PPP6R3: variants seen among roughly 807,000 people sequenced by gnomAD.
The protein encoded by PPP6R3 is serine/threonine-protein phosphatase 6 regulatory subunit 3.
A neutral mutation model predicts 110.7 loss-of-function variants in PPP6R3; 38 were observed. The observed-to-expected ratio is 0.34, with a 90% CI of 0.26 to 0.45. The LOEUF is 0.45. Ranked by LOEUF, PPP6R3 falls within the 20% of genes least tolerant of loss-of-function variation. The pLI is 1.00. For synonymous variants in PPP6R3, 369 were observed against 373.5 expected (o/e 0.99, Z 0.14); for missense variants, 870 against 1,062.4 (o/e 0.82, Z 2.52).
In PPP6R3 at chr11:68,477,739, AAAATATATATAT is replaced by A. The variant is rs1443964954; in HGVS notation, c.-158+16914_-158+16925del. Among the ~76,000 whole-genome samples the A allele has an allele frequency of 2.9e-4, 23 of 80,400 alleles. 2 individuals carry two copies. The highest frequency in any genetic ancestry group is 1.1e-3 in the African/African-American group (22 of 19,308). 52.7% of individuals were successfully genotyped at this position (80,400 alleles called of 152,430 possible). On this transcript the variant is annotated intron_variant, in intron 1 of 23. Transcript: ENST00000393800. The stretch of plus-strand genomic sequence containing the variant: ...GAGACATTGTCTCTTAAAAAAAAAA[AAAATATATATAT>A]ATATATATATATATATATATAATTT...
At chr11:68,603,257 G>A (rs963379041) in intron 21 of PPP6R3, 85 bp from the exon 22 acceptor site, 13 of 1,521,166 alleles carry the variant, frequency 8.5e-6, no homozygotes, top group South Asian at 2.5e-5. Context: ...TAGATGTCAC[G>A]TTGGGTAGAT....
intron 19 of PPP6R3, among the ~76,000 whole-genome samples, chr11:68,597,126 G>T (rs890735845): frequency 8.5e-5 from 13 of 152,214 alleles, no homozygotes; most frequent in African/African-American, 2.9e-4. Context: ...CAGGTGTTAG[G>T]CCTGTAACTG....
At chr11:68,499,236 A>T (rs866627006) in intron 1 of PPP6R3, among the ~76,000 whole-genome samples, 4 of 152,194 alleles carry the variant, frequency 2.6e-5, no homozygotes, top group Middle Eastern at 3.4e-3. Context: ...GAAACTTGGG[A>T]GTGGCATGGT....
chr11:68,528,954 A>G (rs1171094065), intron 2 of PPP6R3, among the ~76,000 whole-genome samples: 2 of 152,170 alleles, frequency 1.3e-5, no homozygotes, highest in African/African-American at 4.8e-5. Context: ...GTGGTTGAGT[A>G]CATCCTGTTC....
At chr11:68,466,438 T>TTC (rs1555000048) in intron 1 of PPP6R3, among the ~76,000 whole-genome samples, 4 of 148,936 alleles carry the variant, frequency 2.7e-5, no homozygotes, top group African/African-American at 9.9e-5. Context: ...ATTTTCTTTT[T>TTC]TTTTTTTTTT....
chr11:68,581,536 AC>A (rs1458880955), intron 14 of PPP6R3, among the ~76,000 whole-genome samples: 1 of 152,222 alleles, frequency 6.6e-6, no homozygotes, highest in Non-Finnish European at 1.5e-5. Context: ...CCTAAAACAC[AC>A]TGGCCCAGCA....
At chr11:68,551,247 G>C (rs1433590604) in intron 6 of PPP6R3, 61 bp downstream of exon 6, 6 of 1,249,236 alleles carry the variant, frequency 4.8e-6, no homozygotes, top group Middle Eastern at 1.9e-4. Flanking sequence ...ACTGTTTATT[G>C]GGCACAGAGC....
chr11:68,532,008 G>A (rs1279386997), intron 2 of PPP6R3, among the ~76,000 whole-genome samples: 2 of 152,200 alleles, frequency 1.3e-5, no homozygotes, highest in African/African-American at 4.8e-5. Flanking sequence ...GACTAGCAGT[G>A]CCTTGGCAAA....
At chr11:68,542,727 AAGGAG>A (rs2153666666) in intron 3 of PPP6R3, among the ~76,000 whole-genome samples, 1 of 152,224 alleles carries the variant, frequency 6.6e-6, no homozygotes, top group East Asian at 1.9e-4. Flanking sequence ...GGAGGGAGGG[AAGGAG>A]AGTAGCCCCA....
intron 5 of PPP6R3, chr11:68,550,908 GGGGAGTT>G: frequency 2.1e-6 from 1 of 476,528 alleles, no homozygotes; most frequent in Non-Finnish European, 3.7e-6. Context: ...ATTGTAATTT[GGGGAGTT>G]GTTGGTACTG....
At chr11:68,531,310 T>TATTTATTC (rs2099238399) in intron 2 of PPP6R3, among the ~76,000 whole-genome samples, 5 of 134,968 alleles carry the variant, frequency 3.7e-5, no homozygotes, top group Admixed American at 3.7e-4. Flanking sequence ...GACTGTGTTT[T>TATTTATTC]ATTTATTTAT....
intron 3 of PPP6R3, among the ~76,000 whole-genome samples, chr11:68,538,883 G>A (rs2099289177): frequency 6.6e-6 from 1 of 152,200 alleles, no homozygotes. Flanking sequence ...ACTGTGGGAA[G>A]CTGAGGCAGG....
At chr11:68,492,734 A>T (rs2098991714) in intron 1 of PPP6R3, among the ~76,000 whole-genome samples, 5 of 152,208 alleles carry the variant, frequency 3.3e-5, no homozygotes. Context: ...CCCCAGTGGC[A>T]CATGAGGGTT....
chr11:68,524,326 C>T (rs1175294287), intron 2 of PPP6R3, among the ~76,000 whole-genome samples: 2 of 152,168 alleles, frequency 1.3e-5, no homozygotes, highest in African/African-American at 4.8e-5. Context: ...TACTTTATCC[C>T]TCCAGGTAGT....
chr11:68,517,335 C>T (rs563424804), intron 1 of PPP6R3, among the ~76,000 whole-genome samples: 157 of 152,244 alleles, frequency 1.0e-3, no homozygotes, highest in Admixed American at 1.8e-3. Flanking sequence ...AGAGTTGGAG[C>T]ATATGAAATT....
intron 4 of PPP6R3, among the ~76,000 whole-genome samples, chr11:68,547,136 A>G (rs1040580314): frequency 6.6e-6 from 1 of 152,140 alleles, no homozygotes; most frequent in African/African-American, 2.4e-5. Context: ...CTTTTGTGGC[A>G]TACATATCCA....
At chr11:68,500,534 G>A (rs1176494320) in intron 1 of PPP6R3, among the ~76,000 whole-genome samples, 6 of 152,216 alleles carry the variant, frequency 3.9e-5, no homozygotes, top group Non-Finnish European at 5.9e-5. Context: ...CCGGAGTGCA[G>A]TGGTGTGATC....
intron 14 of PPP6R3, among the ~76,000 whole-genome samples, chr11:68,581,270 G>T (rs1048210501): frequency 6.6e-6 from 1 of 152,182 alleles, no homozygotes. Flanking sequence ...TCCAGTTTAA[G>T]TAGAACATGC....
chr11:68,465,376 C>T (rs1353992284), intron 1 of PPP6R3, among the ~76,000 whole-genome samples: 1 of 152,142 alleles, frequency 6.6e-6, no homozygotes. Context: ...TTCTTTTCTC[C>T]TGGGGAGATG....
Sources: allele counts gnomAD v4.1 joint callset (sites outside exome capture counted in the v4.1 genomes callset), GRCh38; gene constraint gnomAD v4.1.1; transcripts MANE v1.5; gene names NCBI Gene and HGNC (gene_info 2026-07-23, HGNC 2026-07-21).